The following NIBAN1 variants were observed in gnomAD, a reference collection of about 807,000 sequenced individuals.
NIBAN1 encodes the protein protein Niban 1.
NIBAN1 carries 81 observed loss-of-function variants against 75.1 expected under a neutral mutation model. The ratio of observed to expected loss-of-function variants is 1.08; its 90% CI spans 0.90 to 1.30. The LOEUF (loss-of-function observed/expected upper bound fraction) is 1.30. Among genes scored for constraint, NIBAN1 ranks in the 50% most tolerant of loss-of-function variants. The pLI is 0.00. For missense variants in NIBAN1, 1,133 were observed against 1,128.1 expected (o/e 1.00, Z -0.06); for synonymous variants, 436 against 424.8 (o/e 1.03, Z -0.32).
At chr1:184,801,437 T>G (rs1654037940) in intron 12 of NIBAN1, among the ~76,000 whole-genome samples, 1 of 152,154 alleles carries the variant, frequency 6.6e-6, no homozygotes, top group African/African-American at 2.4e-5. Context: ...GTGAGCCATA[T>G]CACTGCTCTG....
chr1:184,905,395 C>A (rs796877553), intron 1 of NIBAN1, among the ~76,000 whole-genome samples: 38 of 152,236 alleles, frequency 2.5e-4, no homozygotes, highest in African/African-American at 9.1e-4. Context: ...TTTCATTTAA[C>A]ATGCTGCTGC....
At chr1:184,855,261 G>A (rs1384228560) in intron 5 of NIBAN1, among the ~76,000 whole-genome samples, 1 of 152,184 alleles carries the variant, frequency 6.6e-6, no homozygotes, top group Non-Finnish European at 1.5e-5. Context: ...AAAAGCTAAT[G>A]TTTATTAAAT....
At chr1:184,861,526 GA>G (rs1655813681) in intron 5 of NIBAN1, among the ~76,000 whole-genome samples, 1 of 150,976 alleles carries the variant, frequency 6.6e-6, no homozygotes, top group African/African-American at 2.4e-5. Flanking sequence ...GGGGGAAGAG[GA>G]GGGAGGAAGG....
intron 1 of NIBAN1, among the ~76,000 whole-genome samples, chr1:184,903,296 G>A (rs75823993): frequency 6.9e-4 from 105 of 152,288 alleles, no homozygotes; most frequent in Middle Eastern, 3.4e-3. Context: ...TGGGCATTGC[G>A]TTAGTACAAT....
chr1:184,842,098 T>C (rs184968616), intron 5 of NIBAN1, among the ~76,000 whole-genome samples: 1 of 152,122 alleles, frequency 6.6e-6, no homozygotes, highest in African/African-American at 2.4e-5. Flanking sequence ...CTGGTTTAAA[T>C]CTCCTATAAA....
chr1:184,874,205 T>C (rs1475641620), intron 5 of NIBAN1, among the ~76,000 whole-genome samples: 1 of 151,872 alleles, frequency 6.6e-6, no homozygotes, highest in Admixed American at 6.6e-5. Flanking sequence ...TTGCTAATAA[T>C]AAAGTTTTAA....
chr1:184,805,181 T>C (rs572085539), intron 11 of NIBAN1, among the ~76,000 whole-genome samples: 2 of 152,332 alleles, frequency 1.3e-5, no homozygotes, highest in East Asian at 3.9e-4. Context: ...AGACCACCCC[T>C]AGGCTCTGTG....
At chr1:184,840,707 A>G (rs1456885720) in intron 5 of NIBAN1, among the ~76,000 whole-genome samples, 1 of 150,838 alleles carries the variant, frequency 6.6e-6, no homozygotes, top group Admixed American at 6.6e-5. Flanking sequence ...CTTCAGATAG[A>G]CATACTAGAT....
intron 1 of NIBAN1, among the ~76,000 whole-genome samples, chr1:184,945,358 T>C (rs1479248338): frequency 6.6e-6 from 1 of 152,158 alleles, no homozygotes; most frequent in Non-Finnish European, 1.5e-5. Flanking sequence ...CTCTGTAAAA[T>C]ATGCTTTAGA....
At chr1:184,948,909 AT>A (rs1219109785) in intron 1 of NIBAN1, among the ~76,000 whole-genome samples, 3 of 152,046 alleles carry the variant, frequency 2.0e-5, no homozygotes, top group Non-Finnish European at 4.4e-5. Context: ...TGGATAATTT[AT>A]TTTTTTCTAT....
chr1:184,970,499 G>T (rs85672), intron 1 of NIBAN1, among the ~76,000 whole-genome samples: 30 of 151,922 alleles, frequency 2.0e-4, no homozygotes, highest in Non-Finnish European at 1.5e-5. Context: ...TTTAAACTTT[G>T]TATCTAGCCA....
chr1:184,871,077 T>C (rs1294461163), intron 5 of NIBAN1, among the ~76,000 whole-genome samples: 2 of 152,110 alleles, frequency 1.3e-5, no homozygotes, highest in Non-Finnish European at 2.9e-5. Context: ...CTGGGTGCAG[T>C]GGCTCATGCC....
intron 1 of NIBAN1, among the ~76,000 whole-genome samples, chr1:184,956,671 T>C (rs1274220405): frequency 6.6e-6 from 1 of 152,258 alleles, no homozygotes; most frequent in East Asian, 1.9e-4. Context: ...AATATTTTGA[T>C]AACTACAGTT....
intron 1 of NIBAN1, among the ~76,000 whole-genome samples, chr1:184,941,479 G>A (rs1487543042): frequency 1.3e-5 from 2 of 151,888 alleles, no homozygotes; most frequent in African/African-American, 4.8e-5. Flanking sequence ...GAAAAACCCT[G>A]TCTCTACAAA....
chr1:184,799,684 C>T (rs1221381281), intron 12 of NIBAN1, among the ~76,000 whole-genome samples: 1 of 118,494 alleles, frequency 8.4e-6, no homozygotes, highest in African/African-American at 3.6e-5. Context: ...TCCTATTTCT[C>T]CACATCCTCT....
rs1052379132 is a variant in NIBAN1, at chr1:184,808,575, G to A, written c.1174-340C>T. ...GAACCAGACAGGTAGGCTCTGATAC[G>A]TGGTTGCTGCTGGGCCCCCAGGCTT... On this transcript the variant is annotated intron_variant, in intron 9 of 13. Transcript: ENST00000367511. 4.6e-5 allele frequency among the ~76,000 whole-genome samples: 7 copies of A among 152,104 alleles called. No homozygotes were observed. The East Asian group carries it at 7.7e-4, about 17-fold the overall frequency.
chr1:184,840,476 T>C (rs1655253756), intron 5 of NIBAN1, among the ~76,000 whole-genome samples: 2 of 152,080 alleles, frequency 1.3e-5, no homozygotes, highest in Non-Finnish European at 2.9e-5. Context: ...CCTGAGAATA[T>C]AAAACACTTC....
chr1:184,935,804 A>G (rs115078640), intron 1 of NIBAN1, among the ~76,000 whole-genome samples: 1 of 135,960 alleles, frequency 7.4e-6, no homozygotes, highest in Non-Finnish European at 1.6e-5. Flanking sequence ...TTTTTTTTTT[A>G]AGTTTTGACT....
chr1:184,905,568 T>C (rs1411364246), intron 1 of NIBAN1, among the ~76,000 whole-genome samples: 1 of 152,150 alleles, frequency 6.6e-6, no homozygotes, highest in Non-Finnish European at 1.5e-5. Flanking sequence ...CCCCTGTGCA[T>C]ACATGTGCCT....
Sources: allele counts gnomAD v4.1 joint callset (sites outside exome capture counted in the v4.1 genomes callset), GRCh38; gene constraint gnomAD v4.1.1; transcripts MANE v1.5; gene names NCBI Gene and HGNC (gene_info 2026-07-23, HGNC 2026-07-21).